Variants in ZZZ3 observed in about 807,000 individuals in gnomAD.
ZZZ3 encodes the protein zinc finger ZZ-type containing 3, also known as ZZ-type zinc finger-containing protein 3.
ZZZ3 carries 22 observed loss-of-function variants against 95.2 expected under a neutral mutation model. That is an observed-to-expected ratio of 0.23 (90% CI 0.17 to 0.33). The LOEUF (loss-of-function observed/expected upper bound fraction) is 0.33, where lower values mean the gene tolerates loss of function less well. Ranked by LOEUF, ZZZ3 falls within the 10% of genes least tolerant of loss-of-function variation. ZZZ3 has a pLI of 1.00. For missense variants in ZZZ3, 885 were observed against 1,066.5 expected (o/e 0.83, Z 2.37); for synonymous variants, 335 against 358.9 (o/e 0.93, Z 0.75).
intron 1 of ZZZ3, among the ~76,000 whole-genome samples, chr1:77,661,563 G>T (rs578059798): frequency 6.6e-6 from 1 of 152,238 alleles, no homozygotes; most frequent in Admixed American, 6.5e-5. Flanking sequence ...AATCACAGAG[G>T]AATGATTAAG....
At chr1:77,607,993 T>C (rs986969203) in intron 5 of ZZZ3, among the ~76,000 whole-genome samples, 2 of 148,416 alleles carry the variant, frequency 1.3e-5, no homozygotes, top group African/African-American at 5.0e-5. Flanking sequence ...TACAAAACAA[T>C]GAAGCATGAC....
intron 1 of ZZZ3, among the ~76,000 whole-genome samples, chr1:77,677,842 T>C (rs1672405412): frequency 1.3e-5 from 2 of 152,116 alleles, no homozygotes; most frequent in Admixed American, 6.6e-5. Context: ...AAAATATACA[T>C]TAAAATAATG....
chr1:77,588,055 G>A (rs182860072), intron 5 of ZZZ3, among the ~76,000 whole-genome samples: 119 of 152,248 alleles, frequency 7.8e-4, no homozygotes, highest in African/African-American at 2.7e-3. Context: ...TAAAGCTTCT[G>A]GGTCAACAGT....
intron 5 of ZZZ3, among the ~76,000 whole-genome samples, chr1:77,623,258 A>T (rs568691094): frequency 2.0e-5 from 3 of 152,262 alleles, no homozygotes; most frequent in African/African-American, 7.2e-5. Flanking sequence ...GGGAAGCTGA[A>T]GCGGCTAGAA....
intron 5 of ZZZ3, among the ~76,000 whole-genome samples, chr1:77,626,249 C>A (rs938644046): frequency 2.6e-5 from 4 of 151,976 alleles, no homozygotes; most frequent in Non-Finnish European, 2.9e-5. Context: ...TCATGAAGGA[C>A]AATTTTTTCC....
intron 5 of ZZZ3, among the ~76,000 whole-genome samples, chr1:77,602,435 T>G (rs1664818668): frequency 6.6e-6 from 1 of 152,150 alleles, no homozygotes; most frequent in Non-Finnish European, 1.5e-5. Flanking sequence ...AAAGACTCTA[T>G]AATCTAAAGC....
At chr1:77,591,524 T>G (rs530874909) in intron 5 of ZZZ3, among the ~76,000 whole-genome samples, 1 of 152,134 alleles carries the variant, frequency 6.6e-6, no homozygotes, top group African/African-American at 2.4e-5. Flanking sequence ...AAAACATTTT[T>G]GTAGAGACAG....
intron 5 of ZZZ3, among the ~76,000 whole-genome samples, chr1:77,611,424 T>C (rs1053428935): frequency 3.3e-5 from 5 of 151,972 alleles, no homozygotes; most frequent in Non-Finnish European, 7.4e-5. Flanking sequence ...AACCTACAGA[T>C]TTAATGCAAT....
chr1:77,565,934 A>G, intron 14 of ZZZ3, 147 bp downstream of exon 14: 1 of 1,110,528 alleles, frequency 9.0e-7, no homozygotes, highest in Non-Finnish European at 1.3e-6. Flanking sequence ...GTATGATTAC[A>G]GAAAAAAATT....
chr1:77,613,419 G>A (rs2100743608), intron 5 of ZZZ3, among the ~76,000 whole-genome samples: 1 of 148,204 alleles, frequency 6.7e-6, no homozygotes, highest in Non-Finnish European at 1.5e-5. Context: ...TTAGAACCAA[G>A]ATAAATAAAA....
At chr1:77,597,422 T>G (rs969746428) in intron 5 of ZZZ3, among the ~76,000 whole-genome samples, 2 of 152,094 alleles carry the variant, frequency 1.3e-5, no homozygotes, top group African/African-American at 4.8e-5. Context: ...TCCTTCAGTG[T>G]GGCCTGTGCA....
chr1:77,577,081 T>G (rs1228976641), intron 11 of ZZZ3, among the ~76,000 whole-genome samples: 2 of 152,208 alleles, frequency 1.3e-5, no homozygotes, highest in African/African-American at 4.8e-5. Flanking sequence ...TTTCCACCAC[T>G]ATGCAGCCTG....
At chr1:77,672,349 T>G (rs1197700282) in intron 1 of ZZZ3, among the ~76,000 whole-genome samples, 1 of 152,172 alleles carries the variant, frequency 6.6e-6, no homozygotes, top group Non-Finnish European at 1.5e-5. Context: ...ATCTCCAGAG[T>G]TGGAGAAAAT....
rs1177204102 is a variant in ZZZ3, at chr1:77,625,827, T to TA, written c.1505+6022dup. On this transcript the variant is annotated intron_variant, in intron 5 of 14. Coordinates refer to ENST00000370801, the MANE Select transcript of ZZZ3 (RefSeq NM_015534.6). ...CAACATGATGAAACTCTGTCTCTACTAAAAAAAAAAAAAATACAAAAACTA... is the reference window on the plus strand; with the variant it reads ...CAACATGATGAAACTCTGTCTCTACTAAAAAAAAAAAAAAATACAAAAACTA... Among the ~76,000 whole-genome samples the TA allele has an allele frequency of 6.8e-3, 931 of 137,546 alleles. 8 individuals are homozygous for TA. The highest frequency in any genetic ancestry group is 0.02 in the African/African-American group (741 of 37,646). 90.2% of individuals were successfully genotyped at this position (137,546 alleles called of 152,430 possible). A position where few individuals can be genotyped will look rare whatever the true frequency, so the allele number is the denominator to read the frequency against.
chr1:77,568,413 T>C lies in ZZZ3; in HGVS notation c.2385A>G (p.Leu795=), dbSNP rs1256742150. ...GCTTCTTTAACTTTTTAAACTGTAA[T>C]AGTTCTTTATATTCAGGTAAATTCC... is the stretch of plus-strand genomic sequence containing the variant. ...MYRNLPEYKE[L]LQFKKLKKQK... Residue 795 remains leucine (L), a synonymous_variant, in exon 13 of 15, where the codon CTA becomes CTG. Transcript: ENST00000370801. 4 of 1,518,730 alleles carry C rather than the reference T, an allele frequency of 2.6e-6. No individual in the cohort carries two copies. The highest frequency in any genetic ancestry group is 1.8e-5 in the Admixed American group (1 of 54,542). 94.1% of individuals were successfully genotyped at this position (1,518,730 alleles called of 1,614,324 possible). A position where few individuals can be genotyped will look rare whatever the true frequency, so the allele number is the denominator to read the frequency against.
In ZZZ3 at chr1:77,580,792, C is replaced by T. The variant is rs367549534; in HGVS notation, c.1980+206G>A. Reference sequence around the variant, plus strand: ...TTATATATGCACACGCCATCACACCCGGCTAATTTTTGTATTTTTAGTAGG... The same window carrying T: ...TTATATATGCACACGCCATCACACCTGGCTAATTTTTGTATTTTTAGTAGG... On this transcript the variant is annotated intron_variant, in intron 9 of 14. Coordinates refer to ENST00000370801, the MANE Select transcript of ZZZ3 (RefSeq NM_015534.6). The T allele has an allele frequency of 1.1e-4, 49 of 464,334 alleles. No individual in the cohort carries two copies. Among genetic ancestry groups the T allele is most frequent in the South Asian group, 3.0e-4 (11 of 36,580 alleles). The allele number at this position is 464,334 out of a possible 1,614,324, so 28.8% of individuals were successfully genotyped here. A position where few individuals can be genotyped will look rare whatever the true frequency, so the allele number is the denominator to read the frequency against.
At chr1:77,585,684 G>T (rs1310228597) in intron 5 of ZZZ3, among the ~76,000 whole-genome samples, 1 of 152,110 alleles carries the variant, frequency 6.6e-6, no homozygotes, top group East Asian at 1.9e-4. Context: ...TGTTTAGCTA[G>T]TATGCAACAT....
chr1:77,661,450 A>G (rs1250593269), intron 1 of ZZZ3, among the ~76,000 whole-genome samples: 1 of 152,162 alleles, frequency 6.6e-6, no homozygotes, highest in Non-Finnish European at 1.5e-5. Context: ...ACAATGGTAC[A>G]GAAAAACCAA....
chr1:77,591,146 G>A lies in ZZZ3; in HGVS notation c.1506-6491C>T, dbSNP rs146411459. On this transcript the variant is annotated intron_variant, in intron 5 of 14. Transcript: ENST00000370801. ...AAACAACCAGAGGACATAAGGTGAC[G>A]TAACGATAAATATATGTTATGCAGC... 5.0e-3 allele frequency among the ~76,000 whole-genome samples: 608 copies of A among 122,236 alleles called. 2 individuals are homozygous for A. The highest frequency in any genetic ancestry group is 0.015 in the Middle Eastern group (4 of 260). 80.2% of individuals were successfully genotyped at this position (122,236 alleles called of 152,430 possible).
Sources: gnomAD v4.1 joint callset for allele counts (sites outside exome capture counted in the v4.1 genomes callset) on GRCh38, gnomAD v4.1.1 for gene constraint, MANE v1.5 for transcripts, NCBI Gene and HGNC (gene_info 2026-07-23, HGNC 2026-07-21) for gene names.